TMEM132B: variants seen among roughly 807,000 people sequenced by gnomAD.
TMEM132B encodes transmembrane protein 132B.
TMEM132B carries 18 observed loss-of-function variants against 90.8 expected under a neutral mutation model. The observed-to-expected ratio is 0.20, with a 90% CI of 0.14 to 0.29. The LOEUF is 0.29. Among genes scored for constraint, TMEM132B ranks in the 10% least tolerant of loss-of-function variants. TMEM132B has a pLI of 1.00. For synonymous variants in TMEM132B, 504 were observed against 523.3 expected (o/e 0.96, Z 0.50); for missense variants, 1,096 against 1,326.8 (o/e 0.83, Z 2.70).
At chr12:125,432,395 A>ATATATATATATATG (rs1206464747) in intron 3 of TMEM132B, among the ~76,000 whole-genome samples, 1 of 108,038 alleles carries the variant, frequency 9.3e-6, no homozygotes, top group Non-Finnish European at 1.8e-5. Flanking sequence ...ATATATATAT[A>ATATATATATATATG]TATGTATGTA....
chr12:125,497,745 A>G (rs1882596882), intron 3 of TMEM132B, among the ~76,000 whole-genome samples: 1 of 152,200 alleles, frequency 6.6e-6, no homozygotes, highest in Non-Finnish European at 1.5e-5. Flanking sequence ...GTTATTGATC[A>G]AGCTAGGAGT....
intron 5 of TMEM132B, among the ~76,000 whole-genome samples, chr12:125,638,226 C>T (rs1260207775): frequency 6.6e-6 from 1 of 152,156 alleles, no homozygotes; most frequent in Non-Finnish European, 1.5e-5. Context: ...TCCTTGGCCT[C>T]AGTCTACTCT....
chr12:125,282,767 CAG>C (rs748432273), intron 1 of TMEM132B, among the ~76,000 whole-genome samples: 27 of 152,210 alleles, frequency 1.8e-4, no homozygotes, highest in Admixed American at 2.6e-4. Flanking sequence ...TCTAATAACA[CAG>C]AGTCACTGGG....
At chr12:125,530,236 T>TA (rs1033898012) in intron 4 of TMEM132B, among the ~76,000 whole-genome samples, 17 of 151,932 alleles carry the variant, frequency 1.1e-4, no homozygotes, top group African/African-American at 3.9e-4. Context: ...TTCCATAGTT[T>TA]TTTTTTTTTT....
Position 125,600,382 on chromosome 12 carries a change from A to G in TMEM132B, c.1437+16388A>G, listed in dbSNP as rs540320705. Among the ~76,000 whole-genome samples, 139 of 152,100 alleles carry G rather than the reference A, an allele frequency of 9.1e-4. 2 individuals carry two copies. The South Asian group carries it at 0.021, about 23-fold the overall frequency. On this transcript the variant is annotated intron_variant, in intron 5 of 8. Transcript: ENST00000682704. Reference sequence around the variant, plus strand: ...TCCACTTTTCCATTTCTTTTGTACCACCTGCCACTGGCTGACATTACTATA... The same window carrying G: ...TCCACTTTTCCATTTCTTTTGTACCGCCTGCCACTGGCTGACATTACTATA...
chr12:125,489,848 T>A (rs1430273627), intron 3 of TMEM132B, among the ~76,000 whole-genome samples: 1 of 152,216 alleles, frequency 6.6e-6, no homozygotes, highest in Non-Finnish European at 1.5e-5. Context: ...TGGTCCAAGA[T>A]GGAAGAGGCC....
intron 5 of TMEM132B, among the ~76,000 whole-genome samples, chr12:125,592,918 T>A (rs1885352649): frequency 6.6e-6 from 1 of 152,230 alleles, no homozygotes; most frequent in Admixed American, 6.5e-5. Context: ...GTTTTGTTTT[T>A]GTTGTAGCAA....
intron 7 of TMEM132B, among the ~76,000 whole-genome samples, chr12:125,651,265 C>T (rs1474261219): frequency 6.6e-6 from 1 of 152,204 alleles, no homozygotes; most frequent in Non-Finnish European, 1.5e-5. Flanking sequence ...ACATCATATT[C>T]TCCATTTTGT....
chr12:125,451,226 G>A (rs1004449147), intron 3 of TMEM132B, among the ~76,000 whole-genome samples: 8 of 152,128 alleles, frequency 5.3e-5, no homozygotes, highest in Non-Finnish European at 1.0e-4. Context: ...TAAATTTACT[G>A]AAATTGATGA....
chr12:125,610,888 T>C (rs1885809713), intron 5 of TMEM132B, among the ~76,000 whole-genome samples: 1 of 152,122 alleles, frequency 6.6e-6, no homozygotes, highest in African/African-American at 2.4e-5. Flanking sequence ...CAGGATAAAA[T>C]TGGCCTTATA....
At chr12:125,228,466 G>T (rs1565979258) in intron 1 of TMEM132B, among the ~76,000 whole-genome samples, 1 of 152,176 alleles carries the variant, frequency 6.6e-6, no homozygotes, top group Non-Finnish European at 1.5e-5. Context: ...GGGAAGAGTC[G>T]AACAATTTGG....
chr12:125,519,538 C>A lies in TMEM132B; in HGVS notation c.1206C>A (p.Tyr402Ter). Residue 402 changes from tyrosine to a stop codon, truncating the protein, a stop_gained, in exon 4 of 9, where the codon TAC (tyrosine) becomes TAA (stop). Transcript: ENST00000682704. LOFTEE classifies it high-confidence loss of function. ...GAQQITWQVE[Y>*]PIEDSMSELV... is the part of the protein sequence containing the mutation. The stretch of plus-strand genomic sequence containing the variant: ...AGCAGATTACCTGGCAGGTGGAGTA[C>A]CCGATTGAGGACTCCATGAGTGAGC... The A allele has an allele frequency of 1.2e-6, 2 of 1,614,062 alleles. No individual in the cohort carries two copies. The highest frequency in any genetic ancestry group is 1.7e-6 in the Non-Finnish European group (2 of 1,180,004).
intron 2 of TMEM132B, among the ~76,000 whole-genome samples, chr12:125,360,302 C>T (rs1290934269): frequency 6.6e-6 from 1 of 152,174 alleles, no homozygotes; most frequent in Non-Finnish European, 1.5e-5. Flanking sequence ...ACACATTGAA[C>T]CTGTACAATC....
intron 1 of TMEM132B, among the ~76,000 whole-genome samples, chr12:125,235,907 G>A (rs542269615): frequency 3.4e-5 from 5 of 147,664 alleles, no homozygotes; most frequent in Non-Finnish European, 7.4e-5. Context: ...GGGTTAAAGC[G>A]ATCCTCCTGC....
chr12:125,379,544 A>C (rs1277204900), intron 2 of TMEM132B, among the ~76,000 whole-genome samples: 3 of 152,382 alleles, frequency 2.0e-5, no homozygotes, highest in South Asian at 4.1e-4. Flanking sequence ...GAAGGATCAC[A>C]GCGCTGCTAA....
intron 1 of TMEM132B, among the ~76,000 whole-genome samples, chr12:125,268,846 G>T (rs1228431107): frequency 6.6e-6 from 1 of 152,142 alleles, no homozygotes; most frequent in South Asian, 2.1e-4. Flanking sequence ...AGAGGGCGTG[G>T]GTTTCCCAGG....
intron 3 of TMEM132B, among the ~76,000 whole-genome samples, chr12:125,474,279 C>T (rs1412757662): frequency 1.5e-5 from 2 of 136,104 alleles, no homozygotes; most frequent in East Asian, 2.2e-4. Flanking sequence ...TCCCTCCCCT[C>T]CCCTCCCCTT....
intron 1 of TMEM132B, among the ~76,000 whole-genome samples, chr12:125,296,732 T>C (rs1436336416): frequency 6.6e-6 from 1 of 152,222 alleles, no homozygotes; most frequent in Non-Finnish European, 1.5e-5. Flanking sequence ...CCAGTGAGCA[T>C]TGGCTGCAAA....
At chr12:125,550,033 G>A (rs1340245538) in intron 4 of TMEM132B, among the ~76,000 whole-genome samples, 1 of 152,172 alleles carries the variant, frequency 6.6e-6, no homozygotes, top group Admixed American at 6.5e-5. Context: ...TTCCAGCAGA[G>A]GACGCTAGAG....
Sources: allele counts gnomAD v4.1 joint callset (sites outside exome capture counted in the v4.1 genomes callset), GRCh38; gene constraint gnomAD v4.1.1; transcripts MANE v1.5; gene names NCBI Gene and HGNC (gene_info 2026-07-23, HGNC 2026-07-21).